Variants in SPTBN1 observed in about 807,000 individuals in gnomAD.
The protein encoded by SPTBN1 is spectrin beta chain, non-erythrocytic 1.
A neutral mutation model predicts 266.4 loss-of-function variants in SPTBN1; 32 were observed. The ratio of observed to expected loss-of-function variants is 0.12; its 90% CI spans 0.09 to 0.16. The LOEUF is 0.16. Among genes scored for constraint, SPTBN1 ranks in the 10% least tolerant of loss-of-function variants. SPTBN1 has a pLI of 1.00. For missense variants in SPTBN1, 2,296 were observed against 3,067.1 expected (o/e 0.75, Z 5.94); for synonymous variants, 1,336 against 1,162.2 (o/e 1.15, Z -3.04).
rs1434858682 is a variant in SPTBN1, at chr2:54,533,421, G to A, written c.148+6855G>A. 2.7e-5 allele frequency among the ~76,000 whole-genome samples: 4 copies of A among 149,204 alleles called. No homozygotes were observed. Among genetic ancestry groups the A allele is most frequent in the Non-Finnish European group, 4.4e-5 (3 of 67,502 alleles). Reference sequence around the variant, plus strand: ...CTAAACCATTTGACTTCTAGTGAACGAACAGAGCCAACCTCTTCCTGAATA... The same window carrying A: ...CTAAACCATTTGACTTCTAGTGAACAAACAGAGCCAACCTCTTCCTGAATA... On this transcript the variant is annotated intron_variant, in intron 2 of 35. Transcript: ENST00000356805. The surrounding 1 kb of genome is among the most constrained non-coding windows in gnomAD (Gnocchi z 4.2).
intron 1 of SPTBN1, among the ~76,000 whole-genome samples, chr2:54,487,830 G>GTTTTTTTTTTTTTTTTTTTTTTTTTTT (rs1558770807): frequency 1.7e-4 from 1 of 5,946 alleles, no homozygotes; most frequent in Non-Finnish European, 2.9e-4. Flanking sequence ...CTCCTCCTGT[G>GTTTTTTTTTTTTTTTTTTTTTTTTTTT]TCTTTTTTTT....
At chr2:54,470,665 G>A (rs1404487791) in intron 1 of SPTBN1, among the ~76,000 whole-genome samples, 1 of 152,164 alleles carries the variant, frequency 6.6e-6, no homozygotes, top group African/African-American at 2.4e-5. Context: ...TTTAGAGGAT[G>A]TATTGCTATG....
At chr2:54,522,119 C>G (rs553784554) in intron 1 of SPTBN1, among the ~76,000 whole-genome samples, 1 of 151,708 alleles carries the variant, frequency 6.6e-6, no homozygotes, top group South Asian at 2.1e-4. Flanking sequence ...CCAGTCTGGT[C>G]TTTAACGCCT....
chr2:54,482,387 A>G (rs768144350), intron 1 of SPTBN1, among the ~76,000 whole-genome samples: 13 of 152,062 alleles, frequency 8.5e-5, no homozygotes, highest in Non-Finnish European at 1.5e-4. Flanking sequence ...ATTAGAAACA[A>G]TTAGAGAAAA....
Position 54,604,209 on chromosome 2 carries a change from T to C in SPTBN1, c.300+4966T>C, listed in dbSNP as rs552233899. Among the ~76,000 whole-genome samples, 35 of 152,188 alleles carry C rather than the reference T, an allele frequency of 2.3e-4. No homozygotes were observed. In the South Asian group the frequency reaches 6.0e-3, roughly 26 times the overall value. ...GCTGCAGGGTTTCTTTGGACACGTA[T>C]AGAGAAAGAAGGGGCAGGGAGTACA... is the stretch of plus-strand genomic sequence containing the variant. On this transcript the variant is annotated intron_variant, in intron 3 of 35. Coordinates refer to ENST00000356805, the MANE Select transcript of SPTBN1 (RefSeq NM_003128.3).
chr2:54,495,082 G>T (rs1037022825), intron 1 of SPTBN1, among the ~76,000 whole-genome samples: 2 of 152,120 alleles, frequency 1.3e-5, no homozygotes, highest in Non-Finnish European at 2.9e-5. Flanking sequence ...GGCACAGAAG[G>T]TACAATGAAG....
In SPTBN1 at chr2:54,649,192, C is replaced by T; in HGVS notation, c.5202+2C>T. 2 of 1,593,848 alleles carry T rather than the reference C, an allele frequency of 1.3e-6. No individual in the cohort carries two copies. Among genetic ancestry groups the T allele is most frequent in the South Asian group, 2.2e-5 (2 of 90,198 alleles). Reference sequence around the variant, plus strand: ...GGACAGGACTATGAGCATGTCACGGCAAGTACTTGAGGCAGTGCATGAGTT... The same window carrying T: ...GGACAGGACTATGAGCATGTCACGGTAAGTACTTGAGGCAGTGCATGAGTT... On this transcript the variant is annotated splice_donor_variant, in intron 25 of 35. Transcript: ENST00000356805. LOFTEE classifies it low-confidence loss of function (GC_TO_GT_DONOR). This position sits in a 1 kb window ranked among gnomAD's most constrained non-coding sequence, Gnocchi z 6.7.
rs763382679 is a variant in SPTBN1 at position 54,629,977 on chromosome 2, G to A, written c.2755G>A (p.Gly919Ser). The A allele has an allele frequency of 8.7e-6, 14 of 1,613,964 alleles. No individual in the cohort carries two copies. The Admixed American group carries it at 1.2e-4, about 13-fold the overall frequency. ...GATTGCACGCCAGCTGATGCACAGC[G>A]GCCACCCAAGTGAGAAGGAAATCAA... ...NQIARQLMHS[G>S]HPSEKEIKAQ... is the part of the protein sequence containing the mutation. Residue 919 changes from glycine (G) to serine (S), a missense_variant, in exon 15 of 36, where the codon GGC (glycine) becomes AGC (serine). This residue lies in a region of SPTBN1 where 128 missense variants were observed against 176.5 expected (regional missense o/e 0.73). Transcript: ENST00000356805.
chr2:54,550,015 C>G (rs1328318401), intron 2 of SPTBN1, among the ~76,000 whole-genome samples: 1 of 152,228 alleles, frequency 6.6e-6, no homozygotes, highest in Non-Finnish European at 1.5e-5. Flanking sequence ...TGTTTGAGGA[C>G]ATCACTTTCT....
intron 2 of SPTBN1, among the ~76,000 whole-genome samples, chr2:54,557,507 G>C (rs1672954582): frequency 6.6e-6 from 1 of 152,110 alleles, no homozygotes; most frequent in Non-Finnish European, 1.5e-5. Flanking sequence ...TGAGATTGGT[G>C]GGAGAAGAAG....
intron 1 of SPTBN1, among the ~76,000 whole-genome samples, chr2:54,457,027 C>T (rs1034140467): frequency 6.6e-6 from 1 of 151,696 alleles, no homozygotes; most frequent in Non-Finnish European, 1.5e-5. Flanking sequence ...CCGGGCTCTG[C>T]GCGTAGCGGT....
intron 1 of SPTBN1, among the ~76,000 whole-genome samples, chr2:54,479,874 T>C (rs78900650): frequency 7.4e-5 from 11 of 148,906 alleles, no homozygotes; most frequent in South Asian, 2.1e-4. Context: ...TTTTTTTTTT[T>C]CCAAGAGGCA....
chr2:54,494,443 A>G (rs1573268577), intron 1 of SPTBN1, among the ~76,000 whole-genome samples: 1 of 152,340 alleles, frequency 6.6e-6, no homozygotes, highest in Admixed American at 6.5e-5. Flanking sequence ...AAATACACAA[A>G]TGTTTATAGC....
chr2:54,567,326 G>A (rs1673728917), intron 2 of SPTBN1, among the ~76,000 whole-genome samples: 1 of 151,974 alleles, frequency 6.6e-6, no homozygotes, highest in Non-Finnish European at 1.5e-5. Flanking sequence ...AGGTACTGGA[G>A]GATTTTTATT....
rs1255865755 is a variant in SPTBN1 at position 54,652,873 on chromosome 2, TTTC to T, written c.5578-733_5578-731del. The T allele has an allele frequency of 7.1e-5, 8 of 113,292 alleles. No homozygotes were observed. In the South Asian group the frequency reaches 1.1e-3, roughly 16 times the overall value. The allele number at this position is 113,292 out of a possible 1,614,324, so 7.0% of individuals were successfully genotyped here. A position where few individuals can be genotyped will look rare whatever the true frequency, so the allele number is the denominator to read the frequency against. On this transcript the variant is annotated intron_variant, in intron 26 of 35. Transcript: ENST00000356805. The stretch of plus-strand genomic sequence containing the variant: ...GTTTCTGTGTTGGTTTGTTGGTTTT[TTTC>T]TTTTCTTTCTTTCTTTCTTTCTTTC...
chr2:54,668,493 C>T lies in SPTBN1; in HGVS notation c.7019C>T (p.Ser2340Phe), dbSNP rs1009122178. 3 of 1,614,218 alleles carry T rather than the reference C, an allele frequency of 1.9e-6. No individual in the cohort carries two copies. In the African/African-American group the frequency reaches 4.0e-5, roughly 22 times the overall value. ...PTSVVTITSE[S>F]SPGKREKDKE... ...AGCGTCGTCACCATCACCAGCGAGT[C>T]CAGTCCCGGCAAGCGGGAAAAGGAC... is the stretch of plus-strand genomic sequence containing the variant. The change falls in exon 36 of 36, where the codon TCC becomes TTC. Residue 2340 changes from serine to phenylalanine, a missense_variant. Transcript: ENST00000356805.
rs547189582 is a variant in SPTBN1, at chr2:54,559,308, C to G, written c.148+32742C>G. On this transcript the variant is annotated intron_variant, in intron 2 of 35. Coordinates refer to ENST00000356805, the MANE Select transcript of SPTBN1 (RefSeq NM_003128.3). ...CGTGCTCAGACCCAGTCCTGTAGAA[C>G]AATAGCAAAGGGGAGGAGGGAGGGG... 7.2e-5 allele frequency among the ~76,000 whole-genome samples: 11 copies of G among 152,250 alleles called. No homozygotes were observed. The East Asian group carries it at 2.1e-3, about 29-fold the overall frequency.
At chr2:54,560,737 G>A (rs1361158782) in intron 2 of SPTBN1, among the ~76,000 whole-genome samples, 5 of 152,154 alleles carry the variant, frequency 3.3e-5, no homozygotes, top group Admixed American at 3.3e-4. Flanking sequence ...TGTGGTTTAG[G>A]AGTTGCACAA....
intron 1 of SPTBN1, 29 bp from the exon 2 acceptor site, chr2:54,526,343 C>A: frequency 6.3e-7 from 1 of 1,575,316 alleles, no homozygotes; most frequent in Non-Finnish European, 8.6e-7. Context: ...CTTCAGACGT[C>A]TAAATGTTTT....
Sources: allele counts gnomAD v4.1 joint callset (sites outside exome capture counted in the v4.1 genomes callset), GRCh38; gene constraint gnomAD v4.1.1; regional missense constraint gnomAD v4.1.1; non-coding constraint Gnocchi (gnomAD v3.1); transcripts MANE v1.5; gene names NCBI Gene and HGNC (gene_info 2026-07-23, HGNC 2026-07-21).